The following CNTNAP2 variants were observed in gnomAD, a reference collection of about 807,000 sequenced individuals.
CNTNAP2 encodes the protein contactin-associated protein-like 2.
CNTNAP2 carries 98 observed loss-of-function variants against 155.2 expected under a neutral mutation model. That is an observed-to-expected ratio of 0.63 (90% confidence interval 0.54 to 0.75). The LOEUF (loss-of-function observed/expected upper bound fraction) is 0.75. Ranked by LOEUF, CNTNAP2 falls within the 30% of genes least tolerant of loss-of-function variation. The probability of loss-of-function intolerance (pLI) is 0.00; values close to 1 mark genes in which losing one functional copy is unlikely to be tolerated. For synonymous variants in CNTNAP2, 651 were observed against 631.2 expected (o/e 1.03, Z -0.47); for missense variants, 1,727 against 1,688.1 (o/e 1.02, Z -0.40).
intron 3 of CNTNAP2, among the ~76,000 whole-genome samples, chr7:146,895,298 C>A (rs566352151): frequency 6.8e-6 from 1 of 147,170 alleles, no homozygotes; most frequent in Non-Finnish European, 1.5e-5. Context: ...CCTTCCCTCC[C>A]GCCCTCCTTC....
intron 21 of CNTNAP2, among the ~76,000 whole-genome samples, chr7:148,305,830 G>A (rs560982797): frequency 9.2e-5 from 14 of 152,086 alleles, no homozygotes; most frequent in East Asian, 5.8e-4. Flanking sequence ...TGAGATTTGC[G>A]GGGGGGACAC....
intron 11 of CNTNAP2, among the ~76,000 whole-genome samples, chr7:147,510,017 C>T (rs1044957501): frequency 3.3e-5 from 5 of 152,028 alleles, no homozygotes; most frequent in African/African-American, 9.7e-5. Context: ...AATACAAGTA[C>T]AGACTCCTGG....
At chr7:147,958,888 A>AT (rs1801069763) in intron 14 of CNTNAP2, among the ~76,000 whole-genome samples, 1 of 152,030 alleles carries the variant, frequency 6.6e-6, no homozygotes, top group Non-Finnish European at 1.5e-5. Flanking sequence ...CTAAATACAG[A>AT]TTTTTTTGCA....
chr7:147,249,604 TA>T lies in CNTNAP2; in HGVS notation c.1349-50516del, dbSNP rs755601249. On this transcript the variant is annotated intron_variant, in intron 8 of 23. Coordinates refer to ENST00000361727, the MANE Select transcript of CNTNAP2 (RefSeq NM_014141.6). Reference sequence around the variant, plus strand: ...CTATAATAAAGGAAGACATTGGAGGTAAAAAAAAAAAAAAAAAAAAAGGTTT... The same window carrying T: ...CTATAATAAAGGAAGACATTGGAGGTAAAAAAAAAAAAAAAAAAAAGGTTT... Among the ~76,000 whole-genome samples the T allele has an allele frequency of 5.7e-3, 402 of 70,000 alleles. 6 individuals are homozygous for T. Among genetic ancestry groups the T allele is most frequent in the African/African-American group, 0.017 (283 of 16,754 alleles). The allele number at this position is 70,000 out of a possible 152,430, so 45.9% of individuals were successfully genotyped here.
At chr7:147,081,186 C>T (rs901471793) in intron 4 of CNTNAP2, 2 of 152,012 alleles carry the variant, frequency 1.3e-5, no homozygotes, top group Non-Finnish European at 2.9e-5. Flanking sequence ...GATTGTTGAG[C>T]CACATTTGAA....
chr7:146,851,608 G>A (rs1409406202), intron 3 of CNTNAP2, among the ~76,000 whole-genome samples: 1 of 151,360 alleles, frequency 6.6e-6, no homozygotes, highest in Non-Finnish European at 1.5e-5. Context: ...TTGGCTCGCA[G>A]GTGGTTATCT....
intron 3 of CNTNAP2, among the ~76,000 whole-genome samples, chr7:146,912,850 C>T (rs576746810): frequency 6.6e-6 from 1 of 152,118 alleles, no homozygotes; most frequent in Non-Finnish European, 1.5e-5. Flanking sequence ...ATATTGTTGC[C>T]TCTTTATTCT....
intron 1 of CNTNAP2, among the ~76,000 whole-genome samples, chr7:146,304,797 C>T (rs1800678893): frequency 6.6e-6 from 1 of 151,990 alleles, no homozygotes; most frequent in African/African-American, 2.4e-5. Flanking sequence ...CTCTGTATTT[C>T]CTAAATTTGA....
intron 1 of CNTNAP2, among the ~76,000 whole-genome samples, chr7:146,664,356 T>C (rs1281843750): frequency 1.3e-5 from 2 of 151,880 alleles, no homozygotes; most frequent in Non-Finnish European, 2.9e-5. Flanking sequence ...GGATGGGTTT[T>C]TGCCATGTTG....
chr7:148,270,164 G>A (rs1238447778), intron 21 of CNTNAP2, among the ~76,000 whole-genome samples: 1 of 152,128 alleles, frequency 6.6e-6, no homozygotes, highest in Non-Finnish European at 1.5e-5. Context: ...GGACCTTCAA[G>A]GTCGTGAACA....
chr7:147,226,235 T>A (rs1054620999), intron 8 of CNTNAP2, among the ~76,000 whole-genome samples: 1 of 152,170 alleles, frequency 6.6e-6, no homozygotes, highest in Non-Finnish European at 1.5e-5. Flanking sequence ...ATTGTCACCA[T>A]AGGCCCTCAA....
At chr7:146,135,261 G>A (rs575426094) in intron 1 of CNTNAP2, among the ~76,000 whole-genome samples, 1 of 151,788 alleles carries the variant, frequency 6.6e-6, no homozygotes, top group Non-Finnish European at 1.5e-5. Flanking sequence ...TTTATTTTGG[G>A]TATAAATAGA....
At chr7:146,875,813 C>G (rs1232324687) in intron 3 of CNTNAP2, among the ~76,000 whole-genome samples, 1 of 150,720 alleles carries the variant, frequency 6.6e-6, no homozygotes, top group African/African-American at 2.4e-5. Context: ...TGGGAGGTTA[C>G]AGCAGAAGGG....
intron 1 of CNTNAP2, among the ~76,000 whole-genome samples, chr7:146,179,044 A>G (rs1171719644): frequency 6.6e-6 from 1 of 152,192 alleles, no homozygotes; most frequent in Non-Finnish European, 1.5e-5. Context: ...ACTGAAATAA[A>G]CCAGGTCATG....
chr7:147,750,224 A>G (rs534919798), intron 13 of CNTNAP2, among the ~76,000 whole-genome samples: 1 of 152,366 alleles, frequency 6.6e-6, no homozygotes, highest in South Asian at 2.1e-4. Flanking sequence ...AAACCTTACC[A>G]AGTTCTAATG....
chr7:147,595,278 T>A (rs1800807512), intron 12 of CNTNAP2, among the ~76,000 whole-genome samples: 1 of 152,216 alleles, frequency 6.6e-6, no homozygotes, highest in Non-Finnish European at 1.5e-5. Flanking sequence ...GTGACTCATG[T>A]CTAGATTTAG....
chr7:147,258,087 T>C (rs1804371486), intron 8 of CNTNAP2, among the ~76,000 whole-genome samples: 1 of 152,284 alleles, frequency 6.6e-6, no homozygotes, highest in African/African-American at 2.4e-5. Flanking sequence ...ACAGAGACGT[T>C]CAAAGTAATA....
At chr7:146,119,811 A>G (rs941727583) in intron 1 of CNTNAP2, among the ~76,000 whole-genome samples, 2 of 152,106 alleles carry the variant, frequency 1.3e-5, no homozygotes, top group Non-Finnish European at 2.9e-5. Context: ...ATGTGTTTTG[A>G]ATTAATTCAC....
At chr7:147,214,629 A>C (rs991997826) in intron 8 of CNTNAP2, among the ~76,000 whole-genome samples, 1 of 152,184 alleles carries the variant, frequency 6.6e-6, no homozygotes, top group Non-Finnish European at 1.5e-5. Flanking sequence ...TATCAAAGGC[A>C]GGTAGTCACC....
Sources: allele counts gnomAD v4.1 joint callset (sites outside exome capture counted in the v4.1 genomes callset), GRCh38; gene constraint gnomAD v4.1.1; transcripts MANE v1.5; gene names NCBI Gene and HGNC (gene_info 2026-07-23, HGNC 2026-07-21).